Variants in RBM47 observed in about 807,000 individuals in gnomAD.
The protein encoded by RBM47 is RNA binding motif protein 47.
Under a neutral mutation model 47.1 loss-of-function variants are expected in RBM47, and 21 were observed. The ratio of observed to expected loss-of-function variants is 0.45; its 90% CI spans 0.32 to 0.64. The LOEUF (loss-of-function observed/expected upper bound fraction) is 0.64, where lower values mean the gene tolerates loss of function less well. RBM47 is among the 30% of genes least tolerant of loss of function. The pLI is 0.05. For synonymous variants in RBM47, 375 were observed against 361.7 expected, an observed-to-expected ratio of 1.04 and a Z score of -0.42; for missense variants, 708 against 870.9, an observed-to-expected ratio of 0.81 and a Z score of 2.35.
At chr4:40,619,061 A>T (rs1737010070) in intron 1 of RBM47, among the ~76,000 whole-genome samples, 1 of 151,928 alleles carries the variant, frequency 6.6e-6, no homozygotes, top group Non-Finnish European at 1.5e-5. Flanking sequence ...TCAGACCATA[A>T]CAGAGGCAGG....
At chr4:40,448,611 T>C (rs1280033047) in intron 3 of RBM47, among the ~76,000 whole-genome samples, 3 of 152,208 alleles carry the variant, frequency 2.0e-5, no homozygotes, top group Non-Finnish European at 4.4e-5. Context: ...GTCAGAGATC[T>C]AAGTTCAAGT....
chr4:40,620,915 CTTTG>C (rs1003483978), intron 1 of RBM47, among the ~76,000 whole-genome samples: 39 of 151,870 alleles, frequency 2.6e-4, no homozygotes, highest in African/African-American at 4.6e-4. Context: ...AACATTAGCT[CTTTG>C]TTTATTAGGC....
At chr4:40,520,616 T>G (rs1406509204) in intron 2 of RBM47, among the ~76,000 whole-genome samples, 2 of 152,252 alleles carry the variant, frequency 1.3e-5, no homozygotes, top group African/African-American at 4.8e-5. Flanking sequence ...AGATTTAATC[T>G]GGAGCTTCTA....
intron 3 of RBM47, among the ~76,000 whole-genome samples, chr4:40,464,682 G>A (rs1241148783): frequency 2.0e-5 from 3 of 151,592 alleles, no homozygotes; most frequent in Non-Finnish European, 2.9e-5. Flanking sequence ...GGAGGATCAC[G>A]AGGTCAGGAG....
rs917932519 is a variant in RBM47 at position 40,590,935 on chromosome 4, T to G, written c.-240+38461A>C. Among the ~76,000 whole-genome samples, 3 of 152,216 alleles carry G rather than the reference T, an allele frequency of 2.0e-5. No individual in the cohort carries two copies. In the South Asian group the frequency reaches 6.2e-4, roughly 32 times the overall value. ...CTCCTCCCTCAGCCTCCTGAGCAGCTGGGACCACAGGCACCCACCACCATG... is the reference window on the plus strand; with the variant it reads ...CTCCTCCCTCAGCCTCCTGAGCAGCGGGGACCACAGGCACCCACCACCATG... On this transcript the variant is annotated intron_variant, in intron 1 of 6. Coordinates refer to ENST00000295971, the MANE Select transcript of RBM47 (RefSeq NM_001098634.2).
At chr4:40,476,418 C>G (rs1719618240) in intron 2 of RBM47, among the ~76,000 whole-genome samples, 1 of 151,872 alleles carries the variant, frequency 6.6e-6, no homozygotes, top group Non-Finnish European at 1.5e-5. Flanking sequence ...AAAAATTACA[C>G]ATGAACCAAA....
At chr4:40,523,872 A>AAC (rs1473474361) in intron 2 of RBM47, among the ~76,000 whole-genome samples, 56 of 151,866 alleles carry the variant, frequency 3.7e-4, no homozygotes, top group African/African-American at 1.3e-3. Context: ...TCAAAAAAAA[A>AAC]AAAAGAGGAA....
rs1434984245 is a variant in RBM47 at position 40,425,191 on chromosome 4, CGGCTAACGGT to C, written c.*703_*712del. 1 of 152,602 alleles carries C rather than the reference CGGCTAACGGT, an allele frequency of 6.6e-6. No homozygotes were observed. 9.5% of individuals were successfully genotyped at this position (152,602 alleles called of 1,614,324 possible). On this transcript the variant is annotated 3_prime_UTR_variant, in exon 7 of 7. Transcript: ENST00000295971. ...GCTAAGGCACATGGAGAATGAGCCCCGGCTAACGGTGGCAAAGGAGAGCTTTCCAGTGTTT... is the reference window on the plus strand; with the variant it reads ...GCTAAGGCACATGGAGAATGAGCCCCGGCAAAGGAGAGCTTTCCAGTGTTT...
intron 1 of RBM47, among the ~76,000 whole-genome samples, chr4:40,557,504 T>G (rs1345496045): frequency 6.6e-6 from 1 of 152,094 alleles, no homozygotes; most frequent in Non-Finnish European, 1.5e-5. Flanking sequence ...ATCCCAGCGC[T>G]TTGGGAGTCT....
At chr4:40,520,830 G>T (rs111736899) in intron 2 of RBM47, among the ~76,000 whole-genome samples, 35 of 152,300 alleles carry the variant, frequency 2.3e-4, no homozygotes, top group African/African-American at 8.2e-4. Flanking sequence ...TAGGAGAGGG[G>T]AGATCAGTCT....
At chr4:40,627,783 T>C (rs143151273) in intron 1 of RBM47, among the ~76,000 whole-genome samples, 64 of 152,338 alleles carry the variant, frequency 4.2e-4, no homozygotes, top group African/African-American at 1.3e-3. Flanking sequence ...TCTGTCTTTA[T>C]TTCATCCTCA....
At chr4:40,621,985 T>C (rs999071698) in intron 1 of RBM47, among the ~76,000 whole-genome samples, 1 of 152,220 alleles carries the variant, frequency 6.6e-6, no homozygotes, top group Non-Finnish European at 1.5e-5. Flanking sequence ...CCCATGCTCA[T>C]TCAGAAAGGT....
At chr4:40,620,438 G>A (rs1466953283) in intron 1 of RBM47, among the ~76,000 whole-genome samples, 1 of 152,010 alleles carries the variant, frequency 6.6e-6, no homozygotes, top group Non-Finnish European at 1.5e-5. Context: ...CTGGGAGGTG[G>A]AGGTTGCAGT....
intron 2 of RBM47, among the ~76,000 whole-genome samples, chr4:40,536,005 G>A (rs1300390776): frequency 6.6e-6 from 1 of 152,230 alleles, no homozygotes; most frequent in Non-Finnish European, 1.5e-5. Flanking sequence ...CCAGCCTCTG[G>A]TATGGTATTT....
intron 3 of RBM47, among the ~76,000 whole-genome samples, chr4:40,448,960 C>A (rs1714980122): frequency 6.6e-6 from 1 of 152,210 alleles, no homozygotes; most frequent in Non-Finnish European, 1.5e-5. Flanking sequence ...AAAACAGTTT[C>A]TGCAAAAGGT....
At chr4:40,526,059 T>C (rs1726673559) in intron 2 of RBM47, among the ~76,000 whole-genome samples, 1 of 152,178 alleles carries the variant, frequency 6.6e-6, no homozygotes, top group Non-Finnish European at 1.5e-5. Flanking sequence ...GCATGGACCT[T>C]AGATGACGAT....
intron 2 of RBM47, among the ~76,000 whole-genome samples, chr4:40,505,714 C>T (rs1193146431): frequency 2.7e-5 from 4 of 150,654 alleles, no homozygotes; most frequent in Non-Finnish European, 5.9e-5. Context: ...AGTGAAACTC[C>T]ATCTCTACTA....
rs144686557 is a variant in RBM47 at position 40,620,814 on chromosome 4, G to A, written c.-240+8582C>T. ...CTCCCAAAGTGCTGGGATTACAGGC[G>A]TGAGCCACTGCACCCGGCCCCCCTA... On this transcript the variant is annotated intron_variant, in intron 1 of 6. Transcript: ENST00000295971. 6.2e-3 allele frequency among the ~76,000 whole-genome samples: 943 copies of A among 152,144 alleles called. 9 individuals are homozygous for A. The highest frequency in any genetic ancestry group is 0.02 in the Middle Eastern group (6 of 294).
chr4:40,440,546 T>C (rs1713459423), intron 3 of RBM47, among the ~76,000 whole-genome samples: 1 of 152,194 alleles, frequency 6.6e-6, no homozygotes, highest in Non-Finnish European at 1.5e-5. Flanking sequence ...AAAATAAAAC[T>C]ATAATGAAAC....
Sources: gnomAD v4.1 joint callset for allele counts (sites outside exome capture counted in the v4.1 genomes callset) on GRCh38, gnomAD v4.1.1 for gene constraint, MANE v1.5 for transcripts, NCBI Gene and HGNC (gene_info 2026-07-23, HGNC 2026-07-21) for gene names.